HRH4: variants seen among roughly 807,000 people sequenced by gnomAD.
The protein encoded by HRH4 is histamine receptor H4.
Under a neutral mutation model 10.4 loss-of-function variants are expected in HRH4, and 12 were observed. The ratio of observed to expected loss-of-function variants is 1.15; its 90% CI spans 0.74 to 1.87. The LOEUF is 1.87. Among genes scored for constraint, HRH4 ranks in the 40% most tolerant of loss-of-function variants. The pLI is 0.00. For missense variants in HRH4, 415 were observed against 453.3 expected (o/e 0.92, Z 0.77); for synonymous variants, 154 against 166.6 (o/e 0.92, Z 0.58).
chr18:24,477,087 C>T lies in HRH4; in HGVS notation c.698C>T (p.Ser233Phe). 6.2e-7 allele frequency: 1 copy of T among 1,614,242 alleles called. No homozygotes were observed. Residue 233 changes from serine (S) to phenylalanine (F), a missense_variant, in exon 3 of 3, where the codon TCT (serine) becomes TTT (phenylalanine). Ser to Phe is a radical substitution (Grantham distance 155). Coordinates refer to ENST00000256906, the MANE Select transcript of HRH4 (RefSeq NM_021624.4). ...ICGHSFRGRL[S>F]SRRSLSASTE... ...GGACACTCATTCAGAGGTAGACTAT[C>T]TTCAAGGAGATCTCTTTCTGCATCG...
intron 2 of HRH4, among the ~76,000 whole-genome samples, chr18:24,470,727 C>T (rs916021967): frequency 1.2e-4 from 18 of 151,400 alleles, no homozygotes; most frequent in African/African-American, 3.6e-4. Flanking sequence ...TGGTTTTGTA[C>T]TCCTGATCTC....
rs55906819 is a variant in HRH4 at position 24,468,728 on chromosome 18, A to G, written c.194-60A>G. On this transcript the variant is annotated intron_variant, in intron 1 of 2. Coordinates refer to ENST00000256906, the MANE Select transcript of HRH4 (RefSeq NM_021624.4). ...CATTGTGTTGTGTAGCCATTAAAAC[A>G]TGCACATTTGTGTTCATTGATGTGC... 7,356 of 1,419,360 alleles carry G rather than the reference A, an allele frequency of 5.2e-3. 320 individuals carry two copies. The African/African-American group carries it at 0.094, about 18-fold the overall frequency. The allele number at this position is 1,419,360 out of a possible 1,614,324, so 87.9% of individuals were successfully genotyped here. A position where few individuals can be genotyped will look rare whatever the true frequency, so the allele number is the denominator to read the frequency against.
Position 24,476,957 on chromosome 18 carries a change from G to C in HRH4, c.568G>C (p.Val190Leu). ...FLEFVIPVIL[V>L]AYFNMNIYWS... is the part of the protein sequence containing the mutation. ...GGAATTCGTGATCCCAGTCATCTTA[G>C]TCGCTTATTTCAACATGAATATTTA... The change falls in exon 3 of 3, where the codon GTC becomes CTC. Residue 190 changes from valine to leucine, a missense_variant. Coordinates refer to ENST00000256906, the MANE Select transcript of HRH4 (RefSeq NM_021624.4). 6.2e-7 allele frequency: 1 copy of C among 1,614,160 alleles called. No individual in the cohort carries two copies. The highest frequency in any genetic ancestry group is 8.5e-7 in the Non-Finnish European group (1 of 1,180,044).
At chr18:24,461,068 G>T (rs1232535431) in intron 1 of HRH4, 147 bp downstream of exon 1, 2 of 523,942 alleles carry the variant, frequency 3.8e-6, no homozygotes, top group Admixed American at 3.4e-5. Flanking sequence ...TTTGGAGGGG[G>T]CTATATGGCA....
At chr18:24,465,167 A>C (rs1462101914) in intron 1 of HRH4, among the ~76,000 whole-genome samples, 1 of 152,148 alleles carries the variant, frequency 6.6e-6, no homozygotes, top group African/African-American at 2.4e-5. Flanking sequence ...GTGTGCCTGT[A>C]ATCCCAGTTA....
At chr18:24,465,439 G>T (rs1435595861) in intron 1 of HRH4, among the ~76,000 whole-genome samples, 3 of 152,140 alleles carry the variant, frequency 2.0e-5, no homozygotes, top group Non-Finnish European at 4.4e-5. Flanking sequence ...CTGGGATGGA[G>T]TGATTGAGGG....
chr18:24,461,873 A>G (rs1320953449), intron 1 of HRH4, among the ~76,000 whole-genome samples: 1 of 151,754 alleles, frequency 6.6e-6, no homozygotes, highest in Non-Finnish European at 1.5e-5. Flanking sequence ...TGCAAGCACT[A>G]TTAGGTAATC....
intron 1 of HRH4, among the ~76,000 whole-genome samples, chr18:24,464,544 A>G (rs1909725005): frequency 6.6e-6 from 1 of 152,122 alleles, no homozygotes; most frequent in African/African-American, 2.4e-5. Context: ...TCATCCACAC[A>G]TTCCTCTGGC....
At position 24,477,543 on chromosome 18, in the gene HRH4, G is replaced by A; in HGVS notation, c.1154G>A (p.Ser385Asn). The A allele has an allele frequency of 6.3e-7, 1 of 1,581,106 alleles. No homozygotes were observed. The highest frequency in any genetic ancestry group is 2.2e-5 in the East Asian group (1 of 44,610). Residue 385 changes from serine (S) to asparagine (N), a missense_variant, in exon 3 of 3, where the codon AGT (serine) becomes AAT (asparagine). Coordinates refer to ENST00000256906, the MANE Select transcript of HRH4 (RefSeq NM_021624.4). ...IKKQPLPSQH[S>N]RSVSS is the part of the protein sequence containing the mutation. The stretch of plus-strand genomic sequence containing the variant: ...AAGCAACCTCTACCATCACAACACA[G>A]TCGGTCAGTATCTTCTTAAAGACAA...
intron 1 of HRH4, among the ~76,000 whole-genome samples, chr18:24,462,234 C>T (rs1909663589): frequency 6.6e-6 from 1 of 152,060 alleles, no homozygotes; most frequent in South Asian, 2.1e-4. Flanking sequence ...GCAGGGGAGC[C>T]GTAGAGATGA....
At position 24,477,141 on chromosome 18, in the gene HRH4, A is replaced by C. The variant is rs754725501; in HGVS notation, c.752A>C (p.Glu251Ala). The change falls in exon 3 of 3, where the codon GAG becomes GCG. Residue 251 changes from glutamate to alanine, a missense_variant. Glu to Ala is a moderately radical substitution (Grantham distance 107). Transcript: ENST00000256906. ...GAAGTTCCTGCATCCTTTCATTCAG[A>C]GAGACAGAGGAGAAAGAGTAGTCTC... is the stretch of plus-strand genomic sequence containing the variant. Reference protein sequence around the residue: ...STEVPASFHSERQRRKSSLMF... With the variant: ...STEVPASFHSARQRRKSSLMF... 14 of 1,614,056 alleles carry C rather than the reference A, an allele frequency of 8.7e-6. No individual in the cohort carries two copies. The highest frequency in any genetic ancestry group is 4.2e-6 in the Non-Finnish European group (5 of 1,180,040).
intron 2 of HRH4, among the ~76,000 whole-genome samples, chr18:24,472,289 G>GC (rs1290736776): frequency 2.6e-5 from 4 of 151,980 alleles, no homozygotes; most frequent in Non-Finnish European, 5.9e-5. Context: ...CAAGTGATCC[G>GC]CCCCCCTCAG....
chr18:24,464,455 G>C (rs1426671333), intron 1 of HRH4, among the ~76,000 whole-genome samples: 2 of 152,080 alleles, frequency 1.3e-5, no homozygotes, highest in Non-Finnish European at 2.9e-5. Flanking sequence ...ATAGCCACAT[G>C]GGGGGTTAGA....
chr18:24,468,630 T>C (rs995209298), intron 1 of HRH4, among the ~76,000 whole-genome samples, 158 bp from the exon 2 acceptor site: 3 of 152,172 alleles, frequency 2.0e-5, no homozygotes, highest in Non-Finnish European at 4.4e-5. Context: ...AGAAAATCAG[T>C]CCTGAGCTGC....
chr18:24,468,447 G>T (rs549485317), intron 1 of HRH4, among the ~76,000 whole-genome samples: 1 of 152,308 alleles, frequency 6.6e-6, no homozygotes, highest in Admixed American at 6.5e-5. Flanking sequence ...ATAATGACCA[G>T]AAGTCATTAC....
rs756333613 is a variant in HRH4 at position 24,476,898 on chromosome 18, C to T, written c.509C>T (p.Ser170Leu). ...EGSECEPGFF[S>L]EWYILAITSF... ...AGTGAATGTGAACCTGGATTTTTTTCGGAATGGTACATCCTTGCCATCACA... is the reference window on the plus strand; with the variant it reads ...AGTGAATGTGAACCTGGATTTTTTTTGGAATGGTACATCCTTGCCATCACA... The change falls in exon 3 of 3, where the codon TCG (serine) becomes TTG (leucine). Residue 170 changes from serine to leucine, a missense_variant. Ser to Leu is a moderately radical substitution (Grantham distance 145). Coordinates refer to ENST00000256906, the MANE Select transcript of HRH4 (RefSeq NM_021624.4). The T allele has an allele frequency of 1.4e-5, 23 of 1,613,914 alleles. No homozygotes were observed. The highest frequency in any genetic ancestry group is 1.7e-5 in the Non-Finnish European group (20 of 1,180,020).
intron 2 of HRH4, among the ~76,000 whole-genome samples, chr18:24,473,706 G>A (rs1910046902): frequency 6.6e-6 from 1 of 152,166 alleles, no homozygotes; most frequent in African/African-American, 2.4e-5. Context: ...GAGGGGTTTA[G>A]GACTTCACCA....
chr18:24,468,513 T>C (rs1330227704), intron 1 of HRH4, among the ~76,000 whole-genome samples: 1 of 152,218 alleles, frequency 6.6e-6, no homozygotes, highest in Non-Finnish European at 1.5e-5. Context: ...CCAAATATTT[T>C]CTATCTGTGG....
chr18:24,471,166 G>C (rs140022983), intron 2 of HRH4, among the ~76,000 whole-genome samples: 55 of 152,050 alleles, frequency 3.6e-4, no homozygotes, highest in African/African-American at 1.3e-3. Flanking sequence ...TATTGTATGC[G>C]GAGAGTGCAG....
Sources: gnomAD v4.1 joint callset for allele counts (sites outside exome capture counted in the v4.1 genomes callset) on GRCh38, gnomAD v4.1.1 for gene constraint, MANE v1.5 for transcripts, NCBI Gene and HGNC (gene_info 2026-07-23, HGNC 2026-07-21) for gene names.